TMC1: variants seen among roughly 807,000 people sequenced by gnomAD.
The protein encoded by TMC1 is transmembrane channel-like protein 1.
In TMC1, 84 loss-of-function variants were observed where a neutral mutation model predicts 105.8. The observed-to-expected ratio is 0.79, with a 90% CI of 0.67 to 0.95. TMC1 has a LOEUF of 0.95. Ranked by LOEUF, TMC1 falls within the 40% of genes least tolerant of loss-of-function variation. TMC1 has a pLI of 0.00. For synonymous variants in TMC1, 315 were observed against 311.5 expected (o/e 1.01, Z -0.12); for missense variants, 817 against 914.1 (o/e 0.89, Z 1.37).
intron 7 of TMC1, among the ~76,000 whole-genome samples, chr9:72,695,595 G>A (rs1027672163): frequency 4.6e-5 from 7 of 152,120 alleles, no homozygotes; most frequent in Non-Finnish European, 1.0e-4. Context: ...CTAGGACTTT[G>A]AAGCATGAGG....
rs1826520697 is a variant in TMC1, at chr9:72,694,691, G to A, written c.213G>A (p.Arg71=). 1.2e-6 allele frequency: 2 copies of A among 1,611,112 alleles called. No individual in the cohort carries two copies. The highest frequency in any genetic ancestry group is 2.2e-5 in the East Asian group (1 of 44,616). Residue 71 remains arginine, a synonymous_variant, in exon 7 of 24, where the codon AGG becomes AGA. Transcript: ENST00000297784. The stretch of plus-strand genomic sequence containing the variant: ...CAAGGAAGGCAAGAGAAAAAGAGAG[G>A]AGGAGGAGGCTAAAGAGAGGAGCGT... ...EETRKAREKE[R]RRRLKRGAEE...
intron 10 of TMC1, among the ~76,000 whole-genome samples, chr9:72,747,553 T>G (rs952777614): frequency 3.9e-5 from 6 of 152,194 alleles, no homozygotes; most frequent in Admixed American, 3.9e-4. Context: ...CTCAGTTTAA[T>G]ACGTATCAGA....
At chr9:72,803,893 A>G (rs372246849) in intron 17 of TMC1, among the ~76,000 whole-genome samples, 2 of 152,192 alleles carry the variant, frequency 1.3e-5, no homozygotes, top group Non-Finnish European at 2.9e-5. Flanking sequence ...TACATACCCA[A>G]AGGAAAATAA....
chr9:72,698,836 T>C (rs1826595107), intron 7 of TMC1, among the ~76,000 whole-genome samples: 1 of 152,078 alleles, frequency 6.6e-6, no homozygotes, highest in South Asian at 2.1e-4. Context: ...CTGCTAGTGT[T>C]GGTAATATTG....
At chr9:72,682,115 T>C (rs1188372850) in intron 5 of TMC1, among the ~76,000 whole-genome samples, 3 of 152,140 alleles carry the variant, frequency 2.0e-5, no homozygotes, top group Admixed American at 6.6e-5. Flanking sequence ...ACCACAGAGA[T>C]TGAAAATAAC....
At chr9:72,790,105 A>G (rs1424691156) in intron 15 of TMC1, among the ~76,000 whole-genome samples, 1 of 152,204 alleles carries the variant, frequency 6.6e-6, no homozygotes, top group Non-Finnish European at 1.5e-5. Context: ...CGTTCATAAA[A>G]TGCTTATGTG....
chr9:72,655,939 G>C (rs1825877927), intron 5 of TMC1: 2 of 797,836 alleles, frequency 2.5e-6, no homozygotes, highest in Non-Finnish European at 4.4e-6. Context: ...AGTCGCTTGT[G>C]GATTCTCATC....
chr9:72,551,048 A>G (rs1823853106), intron 1 of TMC1, among the ~76,000 whole-genome samples: 1 of 152,164 alleles, frequency 6.6e-6, no homozygotes, highest in Admixed American at 6.5e-5. Context: ...GAAATGCTAT[A>G]TTGTTGCTGG....
At chr9:72,796,025 A>G (rs1314939842) in intron 17 of TMC1, among the ~76,000 whole-genome samples, 1 of 152,184 alleles carries the variant, frequency 6.6e-6, no homozygotes, top group Non-Finnish European at 1.5e-5. Flanking sequence ...TTTCAAAAAA[A>G]AAATGCAAAA....
chr9:72,824,219 C>G (rs949236251), intron 20 of TMC1, among the ~76,000 whole-genome samples: 2 of 152,242 alleles, frequency 1.3e-5, no homozygotes, highest in Non-Finnish European at 2.9e-5. Flanking sequence ...GCCTATGACC[C>G]TAAAGCCCCA....
rs1482484169 is a variant in TMC1 at position 72,568,680 on chromosome 9, T to C, written c.-427-9222T>C. Among the ~76,000 whole-genome samples, 3 of 152,222 alleles carry C rather than the reference T, an allele frequency of 2.0e-5. No homozygotes were observed. The East Asian group carries it at 5.8e-4, about 29-fold the overall frequency. The stretch of plus-strand genomic sequence containing the variant: ...AATTTGTTTATTTTTTTCATTATTA[T>C]ACAATGTCAATTAGCTCAGTGGAAT... On this transcript the variant is annotated intron_variant, in intron 1 of 23. Coordinates refer to ENST00000297784, the MANE Select transcript of TMC1 (RefSeq NM_138691.3).
chr9:72,824,602 G>A lies in TMC1; in HGVS notation c.2004-2267G>A, dbSNP rs1211268066. Among the ~76,000 whole-genome samples, 4 of 152,184 alleles carry A rather than the reference G, an allele frequency of 2.6e-5. 1 individual carries two copies. The highest frequency in any genetic ancestry group is 2.0e-4 in the Admixed American group (3 of 15,280). On this transcript the variant is annotated intron_variant, in intron 20 of 23. Transcript: ENST00000297784. ...GCCGACTCTTCCCCAAAGTCAGGCC[G>A]TCTCTCCCCTCTACCAACTGAGTCT...
At chr9:72,695,396 C>G (rs1490374364) in intron 7 of TMC1, among the ~76,000 whole-genome samples, 1 of 152,102 alleles carries the variant, frequency 6.6e-6, no homozygotes, top group African/African-American at 2.4e-5. Context: ...TACTTTTCTT[C>G]TTTTTGCTTT....
intron 9 of TMC1, 123 bp from the exon 10 acceptor site, chr9:72,742,321 G>C (rs1827403002): frequency 2.6e-6 from 2 of 772,414 alleles, no homozygotes; most frequent in Non-Finnish European, 4.5e-6. Context: ...TGACTAGAAA[G>C]TAGTATTTGC....
At chr9:72,603,702 A>T (rs895981575) in intron 2 of TMC1, among the ~76,000 whole-genome samples, 1 of 151,952 alleles carries the variant, frequency 6.6e-6, no homozygotes, top group African/African-American at 2.4e-5. Context: ...GGCCCCCGCC[A>T]CCATGTCCAG....
At chr9:72,542,056 G>T (rs1823687451) in intron 1 of TMC1, among the ~76,000 whole-genome samples, 1 of 152,192 alleles carries the variant, frequency 6.6e-6, no homozygotes, top group Non-Finnish European at 1.5e-5. Context: ...GGGCGTGGTG[G>T]TTCACATCTG....
At chr9:72,730,953 G>T (rs1588054134) in intron 8 of TMC1, among the ~76,000 whole-genome samples, 1 of 152,202 alleles carries the variant, frequency 6.6e-6, no homozygotes, top group East Asian at 1.9e-4. Flanking sequence ...AGTTAGCAAT[G>T]GGTAGTGGCT....
chr9:72,534,246 C>G (rs1823542384), intron 1 of TMC1, among the ~76,000 whole-genome samples: 3 of 152,198 alleles, frequency 2.0e-5, no homozygotes, highest in Middle Eastern at 3.2e-3. Context: ...CTCTTGTTCT[C>G]TCTCTTCTCC....
chr9:72,640,683 A>G (rs938798923), intron 4 of TMC1, among the ~76,000 whole-genome samples: 2 of 150,268 alleles, frequency 1.3e-5, no homozygotes, highest in African/African-American at 4.9e-5. Context: ...CCCAGGCTGG[A>G]GTGCAGTGGC....
Sources: allele counts gnomAD v4.1 joint callset (sites outside exome capture counted in the v4.1 genomes callset), GRCh38; gene constraint gnomAD v4.1.1; transcripts MANE v1.5; gene names NCBI Gene and HGNC (gene_info 2026-07-23, HGNC 2026-07-21).